The following TMEM165 variants were observed in gnomAD, a reference collection of about 807,000 sequenced individuals.
TMEM165 encodes putative divalent cation/proton antiporter TMEM165.
TMEM165 carries 19 observed loss-of-function variants against 30.0 expected under a neutral mutation model. The observed-to-expected ratio is 0.63, with a 90% confidence interval of 0.44 to 0.93. The LOEUF (loss-of-function observed/expected upper bound fraction) is 0.93. Among genes scored for constraint, TMEM165 ranks in the 40% least tolerant of loss-of-function variants. The pLI is 0.00. For synonymous variants in TMEM165, 168 were observed against 162.9 expected (o/e 1.03, Z -0.24); for missense variants, 340 against 417.0 (o/e 0.82, Z 1.61).
intron 5 of TMEM165, among the ~76,000 whole-genome samples, chr4:55,424,971 A>G (rs192861343): frequency 4.1e-4 from 63 of 152,366 alleles, no homozygotes; most frequent in African/African-American, 1.2e-3. Flanking sequence ...TGTGGAGACC[A>G]TATGTACTGA....
At chr4:55,445,190 T>C (rs1723706622) in intron 3 of TMEM165, among the ~76,000 whole-genome samples, 1 of 79,610 alleles carries the variant, frequency 1.3e-5, no homozygotes, top group African/African-American at 3.5e-5. Flanking sequence ...CCCTGAAATG[T>C]AATTTAGTAT....
chr4:55,433,999 T>C (rs886966523), intron 3 of TMEM165: 26 of 152,710 alleles, frequency 1.7e-4, no homozygotes, highest in African/African-American at 6.3e-4. Context: ...TTAATAACTA[T>C]GATAGTGTTA....
At chr4:55,435,690 C>A in intron 3 of TMEM165, 2 of 1,286,580 alleles carry the variant, frequency 1.6e-6, no homozygotes, top group Non-Finnish European at 2.2e-6. Flanking sequence ...GGGACAAAAT[C>A]CTTAAAATTC....
At chr4:55,446,210 C>T (rs1043882154) in intron 3 of TMEM165, among the ~76,000 whole-genome samples, 1 of 150,626 alleles carries the variant, frequency 6.6e-6, no homozygotes, top group Non-Finnish European at 1.5e-5. Flanking sequence ...CCTCCCACTT[C>T]AGCCTCTCAA....
At chr4:55,410,334 C>T (rs1415915729) in intron 1 of TMEM165, among the ~76,000 whole-genome samples, 1 of 152,180 alleles carries the variant, frequency 6.6e-6, no homozygotes, top group East Asian at 1.9e-4. Flanking sequence ...ATGCGAAGAG[C>T]TTACTGCTTT....
At chr4:55,416,999 A>G in intron 2 of TMEM165, 73 bp from the exon 3 acceptor site, 1 of 1,326,022 alleles carries the variant, frequency 7.5e-7, no homozygotes, top group Non-Finnish European at 1.0e-6. Flanking sequence ...ATAAATTATT[A>G]TTTCCGAAGT....
chr4:55,439,024 T>A (rs945038553), intron 3 of TMEM165, among the ~76,000 whole-genome samples: 1 of 152,098 alleles, frequency 6.6e-6, no homozygotes, highest in Non-Finnish European at 1.5e-5. Flanking sequence ...TGTATCAAAT[T>A]AAAAATCTTG....
chr4:55,397,505 A>G (rs1356874026), intron 1 of TMEM165: 1 of 152,112 alleles, frequency 6.6e-6, no homozygotes, highest in Non-Finnish European at 1.5e-5. Flanking sequence ...AAAAAAAAAA[A>G]AAGACCTGGA....
chr4:55,429,939 G>A (rs1225054129), downstream of TMEM165: 1 of 152,178 alleles, frequency 6.6e-6, no homozygotes, highest in Non-Finnish European at 1.5e-5. Context: ...TATCATGAGA[G>A]TTGGTGACTG....
At chr4:55,442,168 T>A in intron 3 of TMEM165, 1 of 440,034 alleles carries the variant, frequency 2.3e-6, no homozygotes, top group Non-Finnish European at 4.1e-6. Context: ...CATAAACCTT[T>A]TCTAACAGTG....
intron 3 of TMEM165, chr4:55,449,581 A>G: frequency 8.5e-7 from 1 of 1,182,092 alleles, no homozygotes; most frequent in South Asian, 1.3e-5. Context: ...TTCAGTTAAT[A>G]AAAATGGCTT....
At chr4:55,419,001 C>T (rs1721856549) in intron 4 of TMEM165, among the ~76,000 whole-genome samples, 1 of 152,020 alleles carries the variant, frequency 6.6e-6, no homozygotes, top group Non-Finnish European at 1.5e-5. Flanking sequence ...GCCTAGATTG[C>T]ACCACTGCAC....
At chr4:55,450,028 T>A (rs1351447969) in intron 3 of TMEM165, 3 of 1,560,398 alleles carry the variant, frequency 1.9e-6, no homozygotes, top group South Asian at 2.2e-5. Context: ...AATGCTGATA[T>A]AAGTAACTAA....
At chr4:55,451,499 ACCAT>A (rs1724451573) in intron 3 of TMEM165, among the ~76,000 whole-genome samples, 1 of 152,190 alleles carries the variant, frequency 6.6e-6, no homozygotes, top group South Asian at 2.1e-4. Flanking sequence ...TGATTTTGAA[ACCAT>A]CCACACATTG....
chr4:55,444,984 T>C (rs553651633), intron 3 of TMEM165, among the ~76,000 whole-genome samples: 1 of 152,280 alleles, frequency 6.6e-6, no homozygotes, highest in South Asian at 2.1e-4. Context: ...TATTTCTCCT[T>C]TGCCAGCAGG....
At chr4:55,404,062 T>G (rs1171135972) in intron 1 of TMEM165, among the ~76,000 whole-genome samples, 1 of 88,628 alleles carries the variant, frequency 1.1e-5, no homozygotes, top group Admixed American at 1.3e-4. Flanking sequence ...TTTTTTTTTT[T>G]GACAGTGTCT....
At chr4:55,442,651 G>C (rs1723467198) in intron 3 of TMEM165, 2 of 1,591,114 alleles carry the variant, frequency 1.3e-6, no homozygotes, top group South Asian at 2.2e-5. Context: ...AAAATAAAGA[G>C]ATTTTATAGA....
At chr4:55,403,516 A>ATTTTT (rs1398677528) in intron 1 of TMEM165, among the ~76,000 whole-genome samples, 6 of 128,538 alleles carry the variant, frequency 4.7e-5, no homozygotes, top group East Asian at 2.3e-4. Flanking sequence ...TTTTTTTACA[A>ATTTTT]TTTTTACATT....
chr4:55,398,267 A>T (rs1328618949), intron 1 of TMEM165, among the ~76,000 whole-genome samples: 3 of 152,244 alleles, frequency 2.0e-5, no homozygotes, highest in African/African-American at 7.2e-5. Flanking sequence ...CTAACTGCCT[A>T]TGAGGAGATT....
Sources: gnomAD v4.1 joint callset for allele counts (sites outside exome capture counted in the v4.1 genomes callset) on GRCh38, gnomAD v4.1.1 for gene constraint, MANE v1.5 for transcripts, NCBI Gene and HGNC (gene_info 2026-07-23, HGNC 2026-07-21) for gene names.